Variants in SLC12A8 observed in about 807,000 individuals in gnomAD.
SLC12A8 encodes the protein cation-chloride cotransporter 9.
A neutral mutation model predicts 75.6 loss-of-function variants in SLC12A8; 69 were observed. The observed-to-expected ratio is 0.91, with a 90% CI of 0.75 to 1.11. SLC12A8 has a LOEUF of 1.11. Ranked by LOEUF, SLC12A8 falls within the 50% of genes most tolerant of loss-of-function variation. The probability of loss-of-function intolerance (pLI) is 0.00; values close to 1 mark genes in which losing one functional copy is unlikely to be tolerated. For synonymous variants in SLC12A8, 365 were observed against 372.8 expected, an observed-to-expected ratio of 0.98 and a Z score of 0.24; for missense variants, 877 against 896.7, an observed-to-expected ratio of 0.98 and a Z score of 0.28.
rs150166062 is a variant in SLC12A8 at position 125,102,429 on chromosome 3, A to T, written c.1705+5052T>A. ...CCTTGCATCGTACACCCTATCTGGG[A>T]CTTTACACGGAAGGGGTTAAATTCC... On this transcript the variant is annotated intron_variant, in intron 10 of 13. Transcript: ENST00000469902. Among the ~76,000 whole-genome samples, 598 of 152,328 alleles carry T rather than the reference A, an allele frequency of 3.9e-3. 5 individuals carry two copies. Among genetic ancestry groups the T allele is most frequent in the African/African-American group, 0.014 (571 of 41,572 alleles).
intron 13 of SLC12A8, among the ~76,000 whole-genome samples, chr3:125,085,821 C>A (rs564119058): frequency 5.8e-4 from 89 of 152,186 alleles, no homozygotes; most frequent in African/African-American, 2.0e-3. Context: ...AGTGATCGGC[C>A]TGCCTCAGCC....
At chr3:125,123,514 GC>G (rs1455185166) in intron 6 of SLC12A8, 1 of 152,186 alleles carries the variant, frequency 6.6e-6, no homozygotes, top group Non-Finnish European at 1.5e-5. Context: ...GGCTAAGGCA[GC>G]TTTAATTGAC....
In SLC12A8 at chr3:125,196,267, C is replaced by T. The variant is rs189801920; in HGVS notation, c.52-5746G>A. Among the ~76,000 whole-genome samples the T allele has an allele frequency of 1.4e-3, 206 of 152,222 alleles. 3 individuals are homozygous for T. The highest frequency in any genetic ancestry group is 4.1e-4 in the Non-Finnish European group (28 of 68,004). ...ATGAATGACGTAACCATACTTAAAG[C>T]GGAAAAAGAACTAACCAGAGTAACT... On this transcript the variant is annotated intron_variant, in intron 2 of 13. Coordinates refer to ENST00000469902, the MANE Select transcript of SLC12A8 (RefSeq NM_024628.6).
intron 11 of SLC12A8, 35 bp downstream of exon 11, chr3:125,092,066 C>T (rs920977911): frequency 6.7e-7 from 1 of 1,498,136 alleles, no homozygotes; most frequent in Non-Finnish European, 9.3e-7. Flanking sequence ...GAACTCTGTC[C>T]CAAGAACAAC....
At chr3:125,091,683 T>C in intron 11 of SLC12A8, 127 bp from the exon 12 acceptor site, 1 of 656,102 alleles carries the variant, frequency 1.5e-6, no homozygotes, top group East Asian at 2.7e-5. Context: ...AAAGTCTGAA[T>C]AATTGAAGTT....
chr3:125,177,609 A>G (rs1934562033), intron 5 of SLC12A8, 134 bp downstream of exon 5: 3 of 662,168 alleles, frequency 4.5e-6, no homozygotes, highest in Admixed American at 2.6e-5. Flanking sequence ...CACCTGATCC[A>G]GGAACAGCTC....
intron 4 of SLC12A8, among the ~76,000 whole-genome samples, chr3:125,180,048 T>A (rs1434449994): frequency 6.6e-6 from 1 of 152,088 alleles, no homozygotes; most frequent in Non-Finnish European, 1.5e-5. Context: ...TTCCTAGCAG[T>A]AGAACAATTT....
At chr3:125,125,863 T>C in intron 6 of SLC12A8, 1 of 858,918 alleles carries the variant, frequency 1.2e-6, no homozygotes, top group Non-Finnish European at 1.4e-6. Context: ...ATGATTAATG[T>C]GGGGTTACAT....
chr3:125,088,368 A>T lies in SLC12A8; in HGVS notation c.1924T>A (p.Ser642Thr), dbSNP rs1938511901. 6.2e-7 allele frequency: 1 copy of T among 1,614,194 alleles called. No homozygotes were observed. Among genetic ancestry groups the T allele is most frequent in the Non-Finnish European group, 8.5e-7 (1 of 1,180,016 alleles). ...CGGAAAAAGCTGAAGTTGGAGGCTG[A>T]TCCTGCAGGGAAGACATATACATAA... ...GRASPGLHLG[S>T]ASNFSFFRWM... Residue 642 changes from serine (S) to threonine (T), a missense_variant and splice_region_variant, in exon 13 of 14, where the codon TCA becomes ACA. Ser to Thr is a moderately conservative substitution (Grantham distance 58). Transcript: ENST00000469902.
At chr3:125,153,214 C>T (rs564809) in intron 5 of SLC12A8, among the ~76,000 whole-genome samples, 22,440 of 152,218 alleles carry the variant, frequency 0.15, 2,333 homozygotes, top group South Asian at 0.4. Context: ...CGAGAGCCAA[C>T]CATGTGCCCG....
In SLC12A8 at chr3:125,190,395, G is replaced by A; in HGVS notation, c.178C>T (p.Leu60=). 1 of 1,614,202 alleles carries A rather than the reference G, an allele frequency of 6.2e-7. No individual in the cohort carries two copies. The highest frequency in any genetic ancestry group is 8.5e-7 in the Non-Finnish European group (1 of 1,180,030). Residue 60 remains leucine (L), a synonymous_variant, in exon 3 of 14, where the codon CTG becomes TTG. Transcript: ENST00000469902. ...CTCACCACCAGCCAGCCAGTCCTCA[G>A]GAAGAGCACAACCCCAAAGATGTTG... ...MINIFGVVLF[L]RTGWLVGNTG... is the part of the protein sequence containing the mutation.
In SLC12A8 at chr3:125,120,710, T is replaced by C. The variant is rs3732496; in HGVS notation, c.737-24A>G. ...TCCTGAAAGACACCCAGATGGGGAA[T>C]GGGGTGAGCAGCCTCCTCCACGCAT... On this transcript the variant is annotated intron_variant, in intron 6 of 13. Transcript: ENST00000469902. 623 of 1,587,470 alleles carry C rather than the reference T, an allele frequency of 3.9e-4. 6 individuals are homozygous for C. In the East Asian group the frequency reaches 0.014, roughly 34 times the overall value.
intron 10 of SLC12A8, among the ~76,000 whole-genome samples, chr3:125,100,823 C>CTT (rs1289420059): frequency 6.8e-6 from 1 of 148,114 alleles, no homozygotes; most frequent in Non-Finnish European, 1.5e-5. Flanking sequence ...ACCATCCTGG[C>CTT]TAACAAGGTG....
At chr3:125,147,871 C>T (rs1006797307) in intron 5 of SLC12A8, among the ~76,000 whole-genome samples, 1 of 152,148 alleles carries the variant, frequency 6.6e-6, no homozygotes, top group Non-Finnish European at 1.5e-5. Flanking sequence ...TAACCCAGGG[C>T]CTCCAGGGAC....
intron 2 of SLC12A8, among the ~76,000 whole-genome samples, chr3:125,201,629 C>T (rs190628749): frequency 2.5e-4 from 37 of 149,444 alleles, no homozygotes; most frequent in Admixed American, 2.3e-3. Context: ...TTAAAATAAC[C>T]AGGCATGGTG....
intron 10 of SLC12A8, among the ~76,000 whole-genome samples, chr3:125,100,561 C>T (rs1298168060): frequency 6.6e-6 from 1 of 151,534 alleles, no homozygotes; most frequent in Non-Finnish European, 1.5e-5. Flanking sequence ...GCATGTGCCA[C>T]CATGCCCGGC....
At chr3:125,137,921 ACGCT>A (rs1266965019) in intron 5 of SLC12A8, among the ~76,000 whole-genome samples, 5 of 149,924 alleles carry the variant, frequency 3.3e-5, no homozygotes, top group African/African-American at 1.2e-4. Context: ...ACACACGCTC[ACGCT>A]CACACGCTCA....
intron 2 of SLC12A8, among the ~76,000 whole-genome samples, chr3:125,205,328 T>C (rs1935205776): frequency 6.6e-6 from 1 of 152,190 alleles, no homozygotes; most frequent in Non-Finnish European, 1.5e-5. Context: ...CTGCATGTTC[T>C]CACCTCTGTA....
At chr3:125,090,725 A>G (rs1276698383) in intron 12 of SLC12A8, among the ~76,000 whole-genome samples, 1 of 152,240 alleles carries the variant, frequency 6.6e-6, no homozygotes, top group Admixed American at 6.5e-5. Flanking sequence ...CCTAATGTTA[A>G]TATAGCTACC....
Sources: gnomAD v4.1 joint callset for allele counts (sites outside exome capture counted in the v4.1 genomes callset) on GRCh38, gnomAD v4.1.1 for gene constraint, MANE v1.5 for transcripts, NCBI Gene and HGNC (gene_info 2026-07-23, HGNC 2026-07-21) for gene names.